The following CFAP47 variants were observed in gnomAD, a reference collection of about 807,000 sequenced individuals.
The protein encoded by CFAP47 is cilia- and flagella-associated protein 47.
CFAP47 carries 29 observed loss-of-function variants against 148.1 expected under a neutral mutation model. The ratio of observed to expected loss-of-function variants is 0.20; its 90% CI spans 0.15 to 0.27. CFAP47 has a LOEUF of 0.27. CFAP47 is among the 10% of genes least tolerant of loss of function. CFAP47 has a pLI of 1.00. For missense variants in CFAP47, 1,872 were observed against 1,697.5 expected (o/e 1.10, Z -1.81); for synonymous variants, 664 against 577.3 (o/e 1.15, Z -2.15).
chrX:36,105,739 A>G (rs1938455857), intron 33 of CFAP47, among the ~76,000 whole-genome samples: 1 of 112,445 alleles, frequency 8.9e-6, no homozygotes, highest in South Asian at 3.6e-4. Context: ...TGAACTACAC[A>G]AAAACACATA....
intron 55 of CFAP47, 59 bp from the exon 56 acceptor site, chrX:36,310,763 CTTATTAAGTAT>C: frequency 1.4e-6 from 1 of 709,701 alleles, no homozygotes; most frequent in East Asian, 4.0e-5. Context: ...ATGCATTATA[CTTATTAAGTAT>C]TGCAAATAAA....
chrX:36,164,738 A>G (rs1348246312), intron 39 of CFAP47, among the ~76,000 whole-genome samples: 2 of 111,302 alleles, frequency 1.8e-5, no homozygotes, highest in African/African-American at 6.5e-5. Context: ...GAAATTTCCA[A>G]CACCTCCCAA....
At chrX:36,292,324 A>G (rs1317385965) in intron 51 of CFAP47, among the ~76,000 whole-genome samples, 3 of 111,725 alleles carry the variant, frequency 2.7e-5, no homozygotes, top group African/African-American at 9.8e-5. Context: ...TGACTTTTCA[A>G]TTTAGGAAAA....
chrX:36,327,086 A>G (rs1556013200), intron 57 of CFAP47, among the ~76,000 whole-genome samples: 1 of 111,814 alleles, frequency 8.9e-6, no homozygotes, highest in Non-Finnish European at 1.9e-5. Flanking sequence ...CCATTGCAAA[A>G]AAAACAAAAA....
intron 22 of CFAP47, among the ~76,000 whole-genome samples, chrX:36,015,472 TGAAAA>T (rs758651827): frequency 1.6e-3 from 182 of 111,559 alleles, no homozygotes; most frequent in Non-Finnish European, 3.1e-3. Context: ...ATATTTTTCA[TGAAAA>T]GAAAAGAAGT....
At chrX:36,039,220 C>T in intron 25 of CFAP47, 41 bp downstream of exon 25, 1 of 704,687 alleles carries the variant, frequency 1.4e-6, no homozygotes, top group South Asian at 4.5e-5. Context: ...TCTTTATGTG[C>T]TTTTTTGTTT....
intron 21 of CFAP47, among the ~76,000 whole-genome samples, chrX:36,002,790 A>C (rs918801627): frequency 2.7e-5 from 3 of 111,718 alleles, no homozygotes; most frequent in African/African-American, 9.7e-5. Context: ...ATAAAATTGT[A>C]TTGAATGCTA....
chrX:35,939,359 A>T (rs964432285), intron 2 of CFAP47, among the ~76,000 whole-genome samples: 3 of 105,938 alleles, frequency 2.8e-5, no homozygotes, highest in African/African-American at 1.0e-4. Context: ...TTAGTTACAT[A>T]TGTATACATG....
chrX:36,344,400 A>C lies in CFAP47; in HGVS notation c.8444-3729A>C, dbSNP rs371425087. Reference sequence around the variant, plus strand: ...TGTTAATTTTCAGTGATTTCTTGGAAGTTAACAGCATTACAGAGTGGTTCT... The same window carrying C: ...TGTTAATTTTCAGTGATTTCTTGGACGTTAACAGCATTACAGAGTGGTTCT... On this transcript the variant is annotated intron_variant, in intron 57 of 63. Coordinates refer to ENST00000378653, the MANE Select transcript of CFAP47 (RefSeq NM_001304548.2). 5.7e-4 allele frequency among the ~76,000 whole-genome samples: 63 copies of C among 111,045 alleles called. No individual in the cohort carries two copies. In the East Asian group the frequency reaches 0.013, roughly 23 times the overall value.
At chrX:36,249,449 A>G (rs1940664328) in intron 48 of CFAP47, among the ~76,000 whole-genome samples, 1 of 110,860 alleles carries the variant, frequency 9.0e-6, no homozygotes, top group South Asian at 3.7e-4. Context: ...ATAGAGTTAC[A>G]AAAACTACTG....
rs782638320 is a variant in CFAP47 at position 36,371,902 on chromosome X, GTA to G, written c.9185+4781_9185+4782del. Among the ~76,000 whole-genome samples the G allele has an allele frequency of 1.5e-4, 11 of 74,771 alleles. No individual in the cohort carries two copies. In the East Asian group the frequency reaches 1.8e-3, roughly 12 times the overall value. The allele number at this position is 74,771 out of a possible 115,157, so 64.9% of individuals were successfully genotyped here. On this transcript the variant is annotated intron_variant, in intron 62 of 63. Transcript: ENST00000378653. ...TATATGTGTGCATATACACACATGTGTATATATGTGTGTATATATGTGTATAT... is the reference window on the plus strand; with the variant it reads ...TATATGTGTGCATATACACACATGTGTATATGTGTGTATATATGTGTATAT...
At chrX:35,955,260 C>A (rs1342942788) in intron 7 of CFAP47, among the ~76,000 whole-genome samples, 2 of 112,029 alleles carry the variant, frequency 1.8e-5, no homozygotes, top group Non-Finnish European at 3.8e-5. Context: ...CAAGAAATGG[C>A]AATTCCATCA....
rs1342789399 is a variant in CFAP47 at position 36,065,627 on chromosome X, A to G, written c.4218-16A>G. 9.2e-6 allele frequency: 10 copies of G among 1,081,689 alleles called. No individual in the cohort carries two copies. In the Middle Eastern group the frequency reaches 1.3e-3, roughly 138 times the overall value. The allele number at this position is 1,081,689 out of a possible 1,213,427, so 89.1% of individuals were successfully genotyped here. On this transcript the variant is annotated splice_polypyrimidine_tract_variant and intron_variant, in intron 26 of 63. Coordinates refer to ENST00000378653, the MANE Select transcript of CFAP47 (RefSeq NM_001304548.2). ...GAAATTTTTATTGTATTGAAATGCAATGTTTTCACTTTCAGGTTTTCACTT... is the reference window on the plus strand; with the variant it reads ...GAAATTTTTATTGTATTGAAATGCAGTGTTTTCACTTTCAGGTTTTCACTT...
Position 35,991,812 on chromosome X carries a change from C to T in CFAP47, c.2845-9C>T, listed in dbSNP as rs747336989. On this transcript the variant is annotated splice_polypyrimidine_tract_variant and intron_variant, in intron 16 of 63. Coordinates refer to ENST00000378653, the MANE Select transcript of CFAP47 (RefSeq NM_001304548.2). ...AATTGTGTTTTTTCTTTCCTCCTCT[C>T]GTTATTAGCTTGGTCGCACCAAGGT... 6.8e-6 allele frequency: 2 copies of T among 295,425 alleles called. No individual in the cohort carries two copies. The highest frequency in any genetic ancestry group is 1.2e-5 in the Non-Finnish European group (2 of 168,864). 24.3% of individuals were successfully genotyped at this position (295,425 alleles called of 1,213,427 possible).
chrX:36,128,960 A>G (rs1938895663), intron 33 of CFAP47, among the ~76,000 whole-genome samples: 1 of 109,738 alleles, frequency 9.1e-6, no homozygotes, highest in South Asian at 3.8e-4. Context: ...TAATACATTT[A>G]ATGCAAACCT....
intron 42 of CFAP47, among the ~76,000 whole-genome samples, chrX:36,195,182 A>T (rs927450679): frequency 1.8e-5 from 2 of 112,816 alleles, no homozygotes; most frequent in Non-Finnish European, 3.7e-5. Context: ...CAATTTCTAG[A>T]ATAGAAAGAA....
Position 36,306,788 on chromosome X carries a change from A to T in CFAP47, c.8099A>T (p.His2700Leu). ...TTTACACAGCTGATCATATCTCCTC[A>T]CTCCACCACAGAATTACCTGTTCTC... ...NRKSQLIISP[H>L]STTELPVLFY... The change falls in exon 55 of 64, where the codon CAC becomes CTC. Residue 2700 changes from histidine to leucine, a missense_variant. Physicochemically the swap from His to Leu is moderately conservative, Grantham distance 99. Transcript: ENST00000378653. 8.7e-7 allele frequency: 1 copy of T among 1,153,200 alleles called. No homozygotes were observed. The highest frequency in any genetic ancestry group is 1.2e-6 in the Non-Finnish European group (1 of 863,231).
chrX:36,177,882 G>A (rs891303743), intron 39 of CFAP47, among the ~76,000 whole-genome samples: 1 of 111,482 alleles, frequency 9.0e-6, no homozygotes, highest in Non-Finnish European at 1.9e-5. Flanking sequence ...ACATGCACTC[G>A]TATGTTCATT....
chrX:36,034,123 C>T (rs773751723), intron 23 of CFAP47, among the ~76,000 whole-genome samples: 64 of 111,741 alleles, frequency 5.7e-4, no homozygotes, highest in African/African-American at 2.1e-3. Flanking sequence ...TAGTCTCATC[C>T]AACCTGTGAC....
Sources: gnomAD v4.1 joint callset for allele counts (sites outside exome capture counted in the v4.1 genomes callset) on GRCh38, gnomAD v4.1.1 for gene constraint, MANE v1.5 for transcripts, NCBI Gene and HGNC (gene_info 2026-07-23, HGNC 2026-07-21) for gene names.